Variants in LILRB5 observed in about 807,000 individuals in gnomAD.
LILRB5 encodes leukocyte immunoglobulin-like receptor subfamily B member 5.
In LILRB5, 61 loss-of-function variants were observed where a neutral mutation model predicts 68.4. The observed-to-expected ratio is 0.89, with a 90% CI of 0.73 to 1.10. The LOEUF (loss-of-function observed/expected upper bound fraction) is 1.10. LILRB5 is among the 50% of genes least tolerant of loss of function. The pLI is 0.00. For missense variants in LILRB5, 771 were observed against 751.6 expected, an observed-to-expected ratio of 1.03 and a Z score of -0.30; for synonymous variants, 356 against 315.8, an observed-to-expected ratio of 1.13 and a Z score of -1.35.
In LILRB5 at chr19:54,252,380, T is replaced by C. The variant is rs140347665; in HGVS notation, c.1562A>G (p.Gln521Arg). ...TAGTCACTCACTGAGAATTTCCTCC[T>C]GGATGTCAGCAACTGGGCTGGCCCT... ...QKRASPVADI[Q>R]EEILNAAVKD... The change falls in exon 11 of 13, where the codon CAG becomes CGG. Residue 521 changes from glutamine (Q) to arginine (R), a missense_variant. Physicochemically the swap from Gln to Arg is conservative, Grantham distance 43. Coordinates refer to ENST00000449561, the MANE Select transcript of LILRB5 (RefSeq NM_001081442.3). 6.2e-7 allele frequency: 1 copy of C among 1,613,924 alleles called. No homozygotes were observed. The highest frequency in any genetic ancestry group is 1.3e-5 in the African/African-American group (1 of 74,902).
In LILRB5 at chr19:54,250,799, A is replaced by AG. The variant is rs775329343; in HGVS notation, c.1762dup (p.Leu588ProfsTer63). 1 of 1,614,020 alleles carries AG rather than the reference A, an allele frequency of 6.2e-7. No homozygotes were observed. Among genetic ancestry groups the AG allele is most frequent in the East Asian group, 2.2e-5 (1 of 44,852 alleles). On this transcript the variant is annotated frameshift_variant, in exon 13 of 13. Coordinates refer to ENST00000449561, the MANE Select transcript of LILRB5 (RefSeq NM_001081442.3). LOFTEE classifies it high-confidence loss of function. Reference sequence around the variant, plus strand: ...GTCCCCCGTGGGCTAGTGGATGGCCAGGGGGGCGTAGATGCTGGGTTCAGC... The same window carrying AG: ...GTCCCCCGTGGGCTAGTGGATGGCCAGGGGGGGCGTAGATGCTGGGTTCAGC...
In LILRB5 at chr19:54,252,074, C is replaced by T. The variant is rs144185169; in HGVS notation, c.1609G>A (p.Gly537Arg). 546 of 1,614,036 alleles carry T rather than the reference C, an allele frequency of 3.4e-4. 1 individual carries two copies. The African/African-American group carries it at 6.2e-3, about 18-fold the overall frequency. ...CTCACCGGAGCATCCATCTCCACCCCGTCCTTGGGCTGTGTGTCCTTCACG... is the reference window on the plus strand; with the variant it reads ...CTCACCGGAGCATCCATCTCCACCCTGTCCTTGGGCTGTGTGTCCTTCACG... Reference protein sequence around the residue: ...AAVKDTQPKDGVEMDAPAAAS... With the variant: ...AAVKDTQPKDRVEMDAPAAAS... The change falls in exon 12 of 13, where the codon GGG becomes AGG. Residue 537 changes from glycine (G) to arginine (R), a missense_variant. Transcript: ENST00000449561.
chr19:54,254,863 T>C lies in LILRB5; in HGVS notation c.1127A>G (p.His376Arg). Residue 376 changes from histidine (H) to arginine (R), a missense_variant, in exon 6 of 13, where the codon CAC becomes CGC. Coordinates refer to ENST00000449561, the MANE Select transcript of LILRB5 (RefSeq NM_001081442.3). ...CLKSKYQSYRHQAEFSMSPVT... is the reference protein window; with the variant it reads ...CLKSKYQSYRRQAEFSMSPVT... ...AGGACTCATGGAGAATTCAGCCTGG[T>C]GTCTATAAGACTGGTACTTTGACTT... 4 of 1,614,154 alleles carry C rather than the reference T, an allele frequency of 2.5e-6. No homozygotes were observed. The highest frequency in any genetic ancestry group is 3.4e-6 in the Non-Finnish European group (4 of 1,179,996).
At chr19:54,255,892 T>C (rs1305582490) in intron 4 of LILRB5, 151 bp downstream of exon 4, 2 of 701,436 alleles carry the variant, frequency 2.9e-6, no homozygotes, top group Non-Finnish European at 4.7e-6. Context: ...TGTTTCCCCA[T>C]CTGAGCCTCC....
Position 54,252,982 on chromosome 19 carries a change from C to G in LILRB5, c.1363G>C (p.Gly455Arg). 6.4e-7 allele frequency: 1 copy of G among 1,559,100 alleles called. No homozygotes were observed. Among genetic ancestry groups the G allele is most frequent in the Non-Finnish European group, 8.7e-7 (1 of 1,145,940 alleles). ...PTGLDPQSGL[G>R]RHLGVVTGVS... is the part of the protein sequence containing the mutation. ...CCAGTCACAACCCCCAGGTGCCTTC[C>G]CAGACCTTGAGCGTGATGACGTTGG... Residue 455 changes from glycine to arginine, a missense_variant, in exon 9 of 13, where the codon GGA (glycine) becomes CGA (arginine). Transcript: ENST00000449561.
intron 12 of LILRB5, chr19:54,251,785 T>G: frequency 1.5e-6 from 1 of 682,574 alleles, no homozygotes. Context: ...GTTCATTTAT[T>G]CCTCATCCTC....
rs1429547774 is a variant in LILRB5 at position 54,254,741 on chromosome 19, C to T, written c.1249G>A (p.Val417Ile). 6.2e-7 allele frequency: 1 copy of T among 1,613,948 alleles called. No individual in the cohort carries two copies. The highest frequency in any genetic ancestry group is 1.1e-5 in the South Asian group (1 of 91,068). ...ACAGGGTCAGGGCCCTCACCTGAGA[C>T]CACGAGCTCCTGGGGGTAACTAGGG... ...SSPSYPQELVVSGPSGDPSLS... is the reference protein window; with the variant it reads ...SSPSYPQELVISGPSGDPSLS... The change falls in exon 6 of 13, where the codon GTC (valine) becomes ATC (isoleucine). Residue 417 changes from valine (V) to isoleucine (I), a missense_variant. Val to Ile is a conservative substitution (Grantham distance 29, BLOSUM62 3). Transcript: ENST00000449561.
At chr19:54,252,341 G>A (rs764400845) in intron 11 of LILRB5, 25 bp downstream of exon 11, 1 of 1,613,126 alleles carries the variant, frequency 6.2e-7, no homozygotes, top group Non-Finnish European at 8.5e-7. Flanking sequence ...CCCACCCCAG[G>A]TGCCCTCCGC....
intron 4 of LILRB5, 102 bp from the exon 5 acceptor site, chr19:54,255,684 CGCTCT>C: frequency 1.5e-6 from 2 of 1,337,506 alleles, no homozygotes; most frequent in South Asian, 2.9e-5. Flanking sequence ...CTGTCTCTCA[CGCTCT>C]GTGTCTCGGA....
intron 6 of LILRB5, 90 bp from the exon 7 acceptor site, chr19:54,254,505 T>C: frequency 7.0e-7 from 1 of 1,432,608 alleles, no homozygotes; most frequent in Non-Finnish European, 9.5e-7. Flanking sequence ...TCTGGAAACT[T>C]TCTTCTGCTC....
Position 54,256,984 on chromosome 19 carries a change from C to G in LILRB5, c.47G>C (p.Gly16Ala). ...ACCTGCCTGCACGCAGGTCCTGGGG[C>G]CCACACTCAGCCCTGGAAGAGAGTT... ...SVLICLGLSV[G>A]PRTCVQAGTL... is the part of the protein sequence containing the mutation. The change falls in exon 2 of 13, where the codon GGC becomes GCC. Residue 16 changes from glycine to alanine, a missense_variant. Gly to Ala is a moderately conservative substitution (Grantham distance 60, BLOSUM62 0). Transcript: ENST00000449561. 1.9e-6 allele frequency: 3 copies of G among 1,614,212 alleles called. No individual in the cohort carries two copies. The South Asian group carries it at 3.3e-5, about 18-fold the overall frequency.
rs567028226 is a variant in LILRB5, at chr19:54,252,406, G to T, written c.1539-3C>A. 3 of 1,614,144 alleles carry T rather than the reference G, an allele frequency of 1.9e-6. No individual in the cohort carries two copies. The highest frequency in any genetic ancestry group is 2.5e-6 in the Non-Finnish European group (3 of 1,179,994). The stretch of plus-strand genomic sequence containing the variant: ...GGATGTCAGCAACTGGGCTGGCCCT[G>T]GGGGAGGACACGGGAGTGTGAGGGG... On this transcript the variant is annotated splice_polypyrimidine_tract_variant and splice_region_variant and intron_variant, in intron 10 of 12. Transcript: ENST00000449561.
chr19:54,255,767 C>T, intron 4 of LILRB5, 185 bp from the exon 5 acceptor site: 1 of 780,130 alleles, frequency 1.3e-6, no homozygotes. Flanking sequence ...CTCTCTGACT[C>T]CTGGCCACTG....
At position 54,254,973 on chromosome 19, in the gene LILRB5, G is replaced by C; in HGVS notation, c.1017C>G (p.Asn339Lys). The change falls in exon 6 of 13, where the codon AAC becomes AAG. Residue 339 changes from asparagine to lysine, a missense_variant. Physicochemically the swap from Asn to Lys is moderately conservative, Grantham distance 94. Transcript: ENST00000449561. The part of the protein sequence containing the change: ...QPGPKVASGE[N>K]VTLLCQSWHQ... ...GCCATGACTGACACAGCAGGGTCAC[G>C]TTCTCTCCTGAGGCCACCTTGGGGC... 1.9e-6 allele frequency: 3 copies of C among 1,613,946 alleles called. 1 individual carries two copies. The highest frequency in any genetic ancestry group is 4.5e-5 in the East Asian group (2 of 44,864).
chr19:54,254,133 T>A (rs1395060207), intron 7 of LILRB5, 65 bp from the exon 8 acceptor site: 3 of 1,550,210 alleles, frequency 1.9e-6, no homozygotes, highest in Non-Finnish European at 2.6e-6. Context: ...CGGCTGCTCC[T>A]CCCCCAGGCT....
rs778287678 is a variant in LILRB5, at chr19:54,257,005, G to T, written c.35-9C>A. The T allele has an allele frequency of 1.9e-6, 3 of 1,614,124 alleles. No homozygotes were observed. In the African/African-American group the frequency reaches 4.0e-5, roughly 22 times the overall value. ...GGGGCCCACACTCAGCCCTGGAAGA[G>T]AGTTCCCTGTGAGGGATTTGCCCCT... On this transcript the variant is annotated splice_polypyrimidine_tract_variant and intron_variant, in intron 1 of 12. Coordinates refer to ENST00000449561, the MANE Select transcript of LILRB5 (RefSeq NM_001081442.3).
At position 54,250,538 on chromosome 19, in the gene LILRB5, T is replaced by G; in HGVS notation, c.*248A>C. 1.9e-6 allele frequency: 1 copy of G among 525,946 alleles called. No individual in the cohort carries two copies. The highest frequency in any genetic ancestry group is 3.3e-6 in the Non-Finnish European group (1 of 299,820). The allele number at this position is 525,946 out of a possible 1,614,324, so 32.6% of individuals were successfully genotyped here. ...TTCCAAATTTATACCATGCTCTAAT[T>G]TCTGTTTCAGTTTTCTCAGCTCATT... On this transcript the variant is annotated 3_prime_UTR_variant, in exon 13 of 13. Coordinates refer to ENST00000449561, the MANE Select transcript of LILRB5 (RefSeq NM_001081442.3).
intron 9 of LILRB5, 131 bp from the exon 10 acceptor site, chr19:54,252,680 A>T: frequency 8.8e-7 from 1 of 1,130,448 alleles, no homozygotes; most frequent in Non-Finnish European, 1.3e-6. Flanking sequence ...CGTAAGTTTA[A>T]AGTAAAATCA....
At chr19:54,252,714 T>C (rs919198352) in intron 9 of LILRB5, 157 bp downstream of exon 9, 1 of 1,005,502 alleles carries the variant, frequency 9.9e-7, no homozygotes, top group African/African-American at 1.6e-5. Flanking sequence ...CTTCCACACA[T>C]GCTCACATTT....
Sources: gnomAD v4.1 joint callset for allele counts on GRCh38, gnomAD v4.1.1 for gene constraint, MANE v1.5 for transcripts, NCBI Gene and HGNC (gene_info 2026-07-23, HGNC 2026-07-21) for gene names.